ESR1: variants seen among roughly 807,000 people sequenced by gnomAD.
ESR1 encodes the protein estrogen receptor 1, also known as estrogen receptor.
ESR1 carries 12 observed loss-of-function variants against 52.7 expected under a neutral mutation model. The observed-to-expected ratio is 0.23, with a 90% CI of 0.15 to 0.37. ESR1 has a LOEUF of 0.37. ESR1 is among the 10% of genes least tolerant of loss of function. The pLI is 1.00. For missense variants in ESR1, 584 were observed against 779.7 expected (o/e 0.75, Z 2.99); for synonymous variants, 305 against 316.8 (o/e 0.96, Z 0.39).
chr6:152,059,253 A>C (rs944359144), intron 5 of ESR1, among the ~76,000 whole-genome samples: 1 of 152,066 alleles, frequency 6.6e-6, no homozygotes, highest in African/African-American at 2.4e-5. Context: ...AAAGCATGGA[A>C]GTATACTAGA....
At position 152,009,982 on chromosome 6, in the gene ESR1, C is replaced by A. The variant is rs372260599; in HGVS notation, c.1097-1674C>A. ...AATTATGCTTAGTTAAGAAGTCAGACAAAAAGGTAAGAGACTGTTAGGAGC... is the reference window on the plus strand; with the variant it reads ...AATTATGCTTAGTTAAGAAGTCAGAAAAAAAGGTAAGAGACTGTTAGGAGC... On this transcript the variant is annotated intron_variant, in intron 4 of 7. Coordinates refer to ENST00000206249, the MANE Select transcript of ESR1 (RefSeq NM_000125.4). 5.3e-5 allele frequency among the ~76,000 whole-genome samples: 8 copies of A among 151,946 alleles called. No individual in the cohort carries two copies. The South Asian group carries it at 6.2e-4, about 12-fold the overall frequency.
chr6:151,778,613 C>T (rs1786241470), intron 2 of ESR1, among the ~76,000 whole-genome samples: 1 of 151,712 alleles, frequency 6.6e-6, no homozygotes, highest in South Asian at 2.1e-4. Context: ...GCCATGTTGG[C>T]CAGGCTGGTC....
chr6:151,942,377 T>G (rs2035173595), intron 3 of ESR1, among the ~76,000 whole-genome samples: 1 of 152,208 alleles, frequency 6.6e-6, no homozygotes, highest in African/African-American at 2.4e-5. Flanking sequence ...AGAATGATAT[T>G]GTACAAGTTG....
rs9341070 is a variant in ESR1 at position 152,099,062 on chromosome 6, C to T, written c.*96C>T. On this transcript the variant is annotated 3_prime_UTR_variant, in exon 8 of 8. Transcript: ENST00000206249. The stretch of plus-strand genomic sequence containing the variant: ...CAAATTCTGTCTCCTGCATACACTC[C>T]GGCATGCATCCAACACCAATGGCTT... 1,912 of 930,322 alleles carry T rather than the reference C, an allele frequency of 2.1e-3. 7 individuals carry two copies. Among genetic ancestry groups the T allele is most frequent in the Middle Eastern group, 0.011 (48 of 4,370 alleles). The allele number at this position is 930,322 out of a possible 1,614,324, so 57.6% of individuals were successfully genotyped here.
intron 3 of ESR1, 48 bp downstream of exon 3, chr6:151,880,819 C>T (rs771850558): frequency 1.1e-6 from 1 of 950,302 alleles, no homozygotes; most frequent in Non-Finnish European, 1.7e-6. Flanking sequence ...CTGGCCACCG[C>T]CCAGTGCTGG....
chr6:151,729,738 T>C (rs754625422), intron 2 of ESR1, among the ~76,000 whole-genome samples: 2 of 151,968 alleles, frequency 1.3e-5, no homozygotes. Flanking sequence ...TTGCCCAAGG[T>C]TATAGAATTA....
At chr6:151,906,146 T>A (rs147700217) in intron 3 of ESR1, among the ~76,000 whole-genome samples, 9 of 152,216 alleles carry the variant, frequency 5.9e-5, no homozygotes, top group African/African-American at 1.7e-4. Flanking sequence ...TATAAGAGAT[T>A]AAGAACTATG....
chr6:152,062,350 C>G (rs2047614500), intron 6 of ESR1, among the ~76,000 whole-genome samples: 1 of 152,204 alleles, frequency 6.6e-6, no homozygotes, highest in Non-Finnish European at 1.5e-5. Flanking sequence ...TTCCACTTCT[C>G]TTCCCCACCA....
intron 6 of ESR1, among the ~76,000 whole-genome samples, chr6:152,117,776 C>A (rs1413042351): frequency 6.6e-6 from 1 of 152,184 alleles, no homozygotes; most frequent in African/African-American, 2.4e-5. Flanking sequence ...CAAATTTAGG[C>A]CTGTCTGTGG....
intron 3 of ESR1, among the ~76,000 whole-genome samples, chr6:151,910,546 T>C (rs78542307): frequency 0.028 from 4,264 of 152,258 alleles, 191 homozygotes; most frequent in African/African-American, 0.097. Flanking sequence ...CAGGAACTCA[T>C]TTTGGAGACT....
intron 1 of ESR1, among the ~76,000 whole-genome samples, chr6:151,824,504 T>C (rs1209877507): frequency 6.6e-6 from 1 of 152,256 alleles, no homozygotes; most frequent in Non-Finnish European, 1.5e-5. Flanking sequence ...ATTTTGGCTT[T>C]TGTTGCCATT....
intron 1 of ESR1, among the ~76,000 whole-genome samples, chr6:151,839,868 T>G (rs1230707906): frequency 6.6e-6 from 1 of 152,190 alleles, no homozygotes; most frequent in East Asian, 1.9e-4. Context: ...GAAAATGTTC[T>G]GAAGACTGGT....
intron 3 of ESR1, among the ~76,000 whole-genome samples, chr6:151,902,563 T>G (rs1796850881): frequency 6.6e-6 from 1 of 152,238 alleles, no homozygotes; most frequent in African/African-American, 2.4e-5. Flanking sequence ...GCATTGTGGT[T>G]TAAGTCTTAG....
At chr6:151,752,102 C>T (rs551648747) in intron 2 of ESR1, among the ~76,000 whole-genome samples, 4 of 152,258 alleles carry the variant, frequency 2.6e-5, no homozygotes, top group South Asian at 2.1e-4. Flanking sequence ...CCATGCCCTG[C>T]GTGCTGGCGA....
intron 6 of ESR1, among the ~76,000 whole-genome samples, chr6:152,114,893 A>C (rs942360791): frequency 1.1e-5 from 1 of 93,764 alleles, no homozygotes; most frequent in African/African-American, 4.1e-5. Context: ...TCCGTCTCAA[A>C]AAAAAAAAAA....
intron 6 of ESR1, among the ~76,000 whole-genome samples, chr6:152,108,474 T>C (rs1375788844): frequency 6.6e-6 from 1 of 152,246 alleles, no homozygotes; most frequent in East Asian, 1.9e-4. Context: ...TTTGTCAATT[T>C]TGTTCAACCT....
intron 2 of ESR1, among the ~76,000 whole-genome samples, chr6:151,775,189 G>A (rs1253238613): frequency 1.3e-5 from 2 of 152,190 alleles, no homozygotes; most frequent in African/African-American, 4.8e-5. Context: ...CAAAGAAACA[G>A]AAGAACTCCA....
Position 152,098,688 on chromosome 6 carries a change from G to C in ESR1, c.1554-44G>C, listed in dbSNP as rs200019106. The C allele has an allele frequency of 6.6e-7, 1 of 1,523,760 alleles. No individual in the cohort carries two copies. The highest frequency in any genetic ancestry group is 1.1e-5 in the South Asian group (1 of 87,912). 94.4% of individuals were successfully genotyped at this position (1,523,760 alleles called of 1,614,324 possible). ...AGGGATTTCAGCACTCCTGGGGCTC[G>C]GGTTGGCTCTAAAGTAGTCCTTTCT... is the stretch of plus-strand genomic sequence containing the variant. On this transcript the variant is annotated intron_variant, in intron 7 of 7. Transcript: ENST00000206249. This position sits in a 1 kb window ranked among gnomAD's most constrained non-coding sequence, Gnocchi z 5.1.
intron 2 of ESR1, among the ~76,000 whole-genome samples, chr6:151,754,326 A>ATTTTTTTTTCTATTGCTAT (rs1784120346): frequency 2.1e-5 from 3 of 145,030 alleles, no homozygotes; most frequent in African/African-American, 2.5e-5. Context: ...ATCTATTGCT[A>ATTTTTTTTTCTATTGCTAT]TTTTTTTTTT....
Sources: allele counts gnomAD v4.1 joint callset (sites outside exome capture counted in the v4.1 genomes callset), GRCh38; gene constraint gnomAD v4.1.1; non-coding constraint Gnocchi (gnomAD v3.1); transcripts MANE v1.5; gene names NCBI Gene and HGNC (gene_info 2026-07-23, HGNC 2026-07-21).